Variants in CAPN14 observed in about 807,000 individuals in gnomAD.
CAPN14 encodes calpain 14, also known as calpain-14.
CAPN14 carries 94 observed loss-of-function variants against 101.3 expected under a neutral mutation model. That is an observed-to-expected ratio of 0.93 (90% CI 0.79 to 1.10). The LOEUF is 1.10. Among genes scored for constraint, CAPN14 ranks in the 50% least tolerant of loss-of-function variants. The pLI is 0.00. For synonymous variants in CAPN14, 338 were observed against 317.9 expected, an observed-to-expected ratio of 1.06 and a Z score of -0.67; for missense variants, 837 against 828.4, an observed-to-expected ratio of 1.01 and a Z score of -0.13.
intron 16 of CAPN14, among the ~76,000 whole-genome samples, chr2:31,184,310 G>A (rs1038292154): frequency 8.5e-5 from 6 of 70,660 alleles, no homozygotes; most frequent in Admixed American, 5.5e-4. Flanking sequence ...AGTGGCTCAC[G>A]GTCCTAGTTT....
At position 31,205,449 on chromosome 2, in the gene CAPN14, G is replaced by T; in HGVS notation, c.-2C>A. On this transcript the variant is annotated 5_prime_UTR_variant, in exon 2 of 22. Transcript: ENST00000403897. ...TCGGAAAGGTGGCCACAGAGACATG[G>T]CAGGTGGTGGGTACAGTCCAGTGAG... is the stretch of plus-strand genomic sequence containing the variant. 6.4e-7 allele frequency: 1 copy of T among 1,551,140 alleles called. No homozygotes were observed. Among genetic ancestry groups the T allele is most frequent in the Non-Finnish European group, 8.7e-7 (1 of 1,146,540 alleles).
At chr2:31,192,219 C>T in intron 10 of CAPN14, 121 bp from the exon 11 acceptor site, 1 of 1,154,514 alleles carries the variant, frequency 8.7e-7, no homozygotes, top group Non-Finnish European at 1.2e-6. Flanking sequence ...CTGAGGCCCA[C>T]TGGGACAGAG....
At chr2:31,202,039 C>A in intron 4 of CAPN14, 41 bp from the exon 5 acceptor site, 1 of 1,550,426 alleles carries the variant, frequency 6.4e-7, no homozygotes, top group Non-Finnish European at 8.7e-7. Flanking sequence ...AGGACTGCTG[C>A]AGATGGTGAT....
At chr2:31,194,280 TA>T in intron 9 of CAPN14, 128 bp downstream of exon 9, 1 of 685,426 alleles carries the variant, frequency 1.5e-6, no homozygotes. Context: ...CGTGAGCTCC[TA>T]AAGGGATGGT....
intron 1 of CAPN14, among the ~76,000 whole-genome samples, chr2:31,211,249 A>AGAGG (rs10649696): frequency 0.59 from 88,663 of 150,496 alleles, 27,254 homozygotes; most frequent in East Asian, 0.94. Flanking sequence ...AGAGAGAAAG[A>AGAGG]GAGGGAGGGA....
intron 20 of CAPN14, 146 bp downstream of exon 20, chr2:31,176,878 AGG>A (rs1680321581): frequency 1.4e-6 from 1 of 696,840 alleles, no homozygotes; most frequent in Non-Finnish European, 2.5e-6. Flanking sequence ...CAGGGTTCAC[AGG>A]CACTTGGCTG....
chr2:31,188,389 T>C, intron 13 of CAPN14, 35 bp from the exon 14 acceptor site: 1 of 1,549,888 alleles, frequency 6.5e-7, no homozygotes, highest in Non-Finnish European at 8.7e-7. Flanking sequence ...ACTCAGAGTT[T>C]CCTCTTGGGA....
In CAPN14 at chr2:31,188,539, C is replaced by T. The variant is rs952959307; in HGVS notation, c.1494-185G>A. Among the ~76,000 whole-genome samples, 5 of 152,300 alleles carry T rather than the reference C, an allele frequency of 3.3e-5. No homozygotes were observed. In the South Asian group the frequency reaches 1.0e-3, roughly 32 times the overall value. On this transcript the variant is annotated intron_variant, in intron 13 of 21. Coordinates refer to ENST00000403897, the MANE Select transcript of CAPN14 (RefSeq NM_001145122.2). ...GTACATTCCAGCCATGTGCACAGCA[C>T]ACTGCTTGTAATTCCCTGCACCCTC...
In CAPN14 at chr2:31,205,372, G is replaced by A; in HGVS notation, c.76C>T (p.Pro26Ser). Residue 26 changes from proline (P) to serine (S), a missense_variant, in exon 2 of 22, where the codon CCC becomes TCC. Pro to Ser is a moderately conservative substitution (Grantham distance 74). Transcript: ENST00000403897. ...AGCAGGGCCTCAAAGTCCTGTTGGG[G>A]TTGCTGTGGAGACGCCCTCCTAGAG... is the stretch of plus-strand genomic sequence containing the variant. Reference protein sequence around the residue: ...RYSRRASPQQPQQDFEALLAE... With the variant: ...RYSRRASPQQSQQDFEALLAE... 1 of 1,551,598 alleles carries A rather than the reference G, an allele frequency of 6.4e-7. No homozygotes were observed. Among genetic ancestry groups the A allele is most frequent in the Non-Finnish European group, 8.7e-7 (1 of 1,147,000 alleles).
chr2:31,192,199 G>T (rs1237925123), intron 10 of CAPN14, 101 bp from the exon 11 acceptor site: 1 of 1,328,038 alleles, frequency 7.5e-7, no homozygotes, highest in East Asian at 2.6e-5. Flanking sequence ...CCTCTGCCAG[G>T]ATTGACACCC....
At chr2:31,181,042 G>A (rs1680567904) in intron 16 of CAPN14, 42 bp from the exon 17 acceptor site, 2 of 1,498,292 alleles carry the variant, frequency 1.3e-6, no homozygotes, top group South Asian at 1.2e-5. Context: ...CTGGCCCCAG[G>A]TCTGCACACC....
intron 8 of CAPN14, among the ~76,000 whole-genome samples, chr2:31,195,233 T>C (rs1010293296): frequency 4.6e-5 from 7 of 152,214 alleles, no homozygotes; most frequent in Admixed American, 3.9e-4. Context: ...TGAGCTTTAA[T>C]CTGTGCTTTC....
chr2:31,177,186 A>AAGCC, intron 19 of CAPN14, 44 bp from the exon 20 acceptor site: 5 of 1,343,826 alleles, frequency 3.7e-6, no homozygotes, highest in Non-Finnish European at 5.2e-6. Flanking sequence ...GGGGGCTTGC[A>AAGCC]CCCAGCTCCC....
intron 12 of CAPN14, 48 bp downstream of exon 12, chr2:31,191,351 T>C: frequency 6.5e-6 from 10 of 1,531,096 alleles, no homozygotes; most frequent in Non-Finnish European, 8.8e-6. Context: ...CTTGGCCACA[T>C]GTGATGTCAC....
chr2:31,189,245 C>T (rs768321988), intron 13 of CAPN14, 28 bp downstream of exon 13: 10 of 1,546,272 alleles, frequency 6.5e-6, no homozygotes, highest in South Asian at 2.4e-5. Context: ...GTGGTCCCCA[C>T]CCTCTAGGAG....
upstream of CAPN14, among the ~76,000 whole-genome samples, chr2:31,219,386 T>C (rs1372001076): frequency 1.3e-5 from 2 of 152,222 alleles, no homozygotes; most frequent in Admixed American, 6.5e-5. Context: ...CAGACTAGTA[T>C]GCCTGAGAAA....
At chr2:31,191,760 G>A (rs1239453475) in intron 11 of CAPN14, among the ~76,000 whole-genome samples, 175 bp downstream of exon 11, 1 of 152,218 alleles carries the variant, frequency 6.6e-6, no homozygotes, top group Admixed American at 6.5e-5. Context: ...ATGGCCTAGT[G>A]CAAGAAGGTG....
intron 7 of CAPN14, among the ~76,000 whole-genome samples, chr2:31,198,361 G>C (rs1434041535): frequency 7.2e-6 from 1 of 139,250 alleles, no homozygotes; most frequent in East Asian, 2.3e-4. Context: ...AAGCTGTTCT[G>C]ACCACCTTGG....
intron 18 of CAPN14, 50 bp from the exon 19 acceptor site, chr2:31,177,871 CATCT>C: frequency 7.3e-7 from 1 of 1,362,748 alleles, no homozygotes; most frequent in Non-Finnish European, 1.0e-6. Context: ...TTCCAAGCAC[CATCT>C]GAGAGCCCTG....
Sources: allele counts gnomAD v4.1 joint callset (sites outside exome capture counted in the v4.1 genomes callset), GRCh38; gene constraint gnomAD v4.1.1; transcripts MANE v1.5; gene names NCBI Gene and HGNC (gene_info 2026-07-23, HGNC 2026-07-21).